GLIS3: variants seen among roughly 807,000 people sequenced by gnomAD.
The protein encoded by GLIS3 is zinc finger protein GLIS3.
A neutral mutation model predicts 78.6 loss-of-function variants in GLIS3; 53 were observed. The observed-to-expected ratio is 0.67, with a 90% CI of 0.54 to 0.85. GLIS3 has a LOEUF of 0.85. GLIS3 is among the 40% of genes least tolerant of loss of function. GLIS3 has a pLI of 0.00. For missense variants in GLIS3, 1,703 were observed against 1,231.1 expected, an observed-to-expected ratio of 1.38 and a Z score of -5.74; for synonymous variants, 684 against 509.9, an observed-to-expected ratio of 1.34 and a Z score of -4.60.
At chr9:4,144,363 C>G (rs1458353595) in intron 2 of GLIS3, among the ~76,000 whole-genome samples, 2 of 152,158 alleles carry the variant, frequency 1.3e-5, no homozygotes, top group African/African-American at 4.8e-5. Context: ...TTATAACATG[C>G]ATTTTACTAA....
chr9:4,165,356 G>A (rs1252757319), intron 2 of GLIS3, among the ~76,000 whole-genome samples: 3 of 152,132 alleles, frequency 2.0e-5, no homozygotes, highest in African/African-American at 4.8e-5. Flanking sequence ...CAGGAGAACC[G>A]CTTGAGCCCA....
rs544263888 is a variant in GLIS3, at chr9:4,131,046, G to A, written c.389-5105C>T. 5.0e-4 allele frequency among the ~76,000 whole-genome samples: 76 copies of A among 152,296 alleles called. 1 individual carries two copies. Among genetic ancestry groups the A allele is most frequent in the African/African-American group, 1.6e-3 (67 of 41,564 alleles). On this transcript the variant is annotated intron_variant, in intron 2 of 10. Coordinates refer to ENST00000381971, the MANE Select transcript of GLIS3 (RefSeq NM_001042413.2). Reference sequence around the variant, plus strand: ...AAAGGAGATTATTTGGGAGCTTTAAGATTTAATGACTGCCCTAGGGGGGGT... The same window carrying A: ...AAAGGAGATTATTTGGGAGCTTTAAAATTTAATGACTGCCCTAGGGGGGGT...
At chr9:4,253,989 CA>C (rs1824665899) in intron 2 of GLIS3, among the ~76,000 whole-genome samples, 1 of 152,140 alleles carries the variant, frequency 6.6e-6, no homozygotes, top group African/African-American at 2.4e-5. Context: ...GTTGGAAATG[CA>C]AAAATCACCT....
chr9:4,288,332 C>A (rs573638564), intron 1 of GLIS3, among the ~76,000 whole-genome samples: 55 of 151,896 alleles, frequency 3.6e-4, no homozygotes, highest in African/African-American at 1.3e-3. Flanking sequence ...CACCCCCCGC[C>A]AAAAAAAGGC....
chr9:4,144,399 A>G (rs1834049474), intron 2 of GLIS3, among the ~76,000 whole-genome samples: 2 of 152,224 alleles, frequency 1.3e-5, no homozygotes, highest in Admixed American at 1.3e-4. Flanking sequence ...GCGAGGGAAA[A>G]AAAGGCCAGG....
the GLIS3 span, among the ~76,000 whole-genome samples, chr9:4,356,788 G>T: frequency 6.6e-6 from 1 of 152,136 alleles, no homozygotes. Context: ...ACATCAGTAA[G>T]AAAATCTCTA....
chr9:4,481,394 G>T, the GLIS3 span, among the ~76,000 whole-genome samples: 9 of 152,050 alleles, frequency 5.9e-5, no homozygotes, highest in Non-Finnish European at 8.8e-5. Flanking sequence ...TGACTCAGGG[G>T]AATCGCTTGA....
the GLIS3 span, among the ~76,000 whole-genome samples, chr9:4,444,923 T>C: frequency 2.0e-5 from 3 of 152,210 alleles, no homozygotes; most frequent in Non-Finnish European, 4.4e-5. Flanking sequence ...TGTCAAAACA[T>C]CTCATAAGAA....
intron 4 of GLIS3, chr9:4,070,853 A>G (rs1251520617): frequency 2.0e-5 from 3 of 152,198 alleles, no homozygotes; most frequent in Non-Finnish European, 4.4e-5. Context: ...CTAGGTATAA[A>G]AGCCTAGGTA....
At chr9:3,934,257 T>G (rs896221948) in intron 5 of GLIS3, among the ~76,000 whole-genome samples, 4 of 152,328 alleles carry the variant, frequency 2.6e-5, no homozygotes, top group African/African-American at 9.6e-5. Flanking sequence ...AGATCTTTAC[T>G]GGCGATCCCA....
intron 4 of GLIS3, among the ~76,000 whole-genome samples, chr9:4,097,128 C>T (rs1830010696): frequency 6.6e-6 from 1 of 152,166 alleles, no homozygotes; most frequent in South Asian, 2.1e-4. Flanking sequence ...ATCTTCCTCC[C>T]ATTAGGGCCC....
chr9:3,898,730 C>A lies in GLIS3; in HGVS notation c.2089G>T (p.Val697Leu). 6.2e-7 allele frequency: 1 copy of A among 1,614,140 alleles called. No homozygotes were observed. The highest frequency in any genetic ancestry group is 8.5e-7 in the Non-Finnish European group (1 of 1,180,002). Reference sequence around the variant, plus strand: ...GGCCCGGGTCCAGGGGAGCGTCCCACGGTCCCTTCAGCAGCAGCATCTCTA... The same window carrying A: ...GGCCCGGGTCCAGGGGAGCGTCCCAAGGTCCCTTCAGCAGCAGCATCTCTA... ...SPRDAAAEGT[V>L]GRSPGPGPDL... The change falls in exon 7 of 11, where the codon GTG becomes TTG. Residue 697 changes from valine to leucine, a missense_variant. Coordinates refer to ENST00000381971, the MANE Select transcript of GLIS3 (RefSeq NM_001042413.2).
At chr9:3,918,390 A>G (rs1824658599) in intron 6 of GLIS3, among the ~76,000 whole-genome samples, 1 of 152,176 alleles carries the variant, frequency 6.6e-6, no homozygotes, top group Non-Finnish European at 1.5e-5. Context: ...AAACCATGAC[A>G]GTGTCTCCCT....
the GLIS3 span, among the ~76,000 whole-genome samples, chr9:4,397,426 T>A: frequency 1.3e-5 from 2 of 151,956 alleles, 1 homozygote; most frequent in Middle Eastern, 6.8e-3. Context: ...TTGCTTCAAT[T>A]ACTGATTTTG....
chr9:4,087,462 C>T (rs537031174), intron 4 of GLIS3, among the ~76,000 whole-genome samples: 2 of 152,108 alleles, frequency 1.3e-5, no homozygotes, highest in African/African-American at 2.4e-5. Context: ...GGAAAACAAT[C>T]GGCAATTTCC....
rs1816833850 is a variant in GLIS3, at chr9:4,176,611, A to G, written c.389-50670T>C. Among the ~76,000 whole-genome samples, 3 of 151,730 alleles carry G rather than the reference A, an allele frequency of 2.0e-5. No homozygotes were observed. The South Asian group carries it at 6.3e-4, about 32-fold the overall frequency. On this transcript the variant is annotated intron_variant, in intron 2 of 10. Coordinates refer to ENST00000381971, the MANE Select transcript of GLIS3 (RefSeq NM_001042413.2). ...GAACATCTCTATGCACATTTCTTTCATCATATTTCTTTTTCTCCTTTTTTA... is the reference window on the plus strand; with the variant it reads ...GAACATCTCTATGCACATTTCTTTCGTCATATTTCTTTTTCTCCTTTTTTA...
At chr9:4,463,909 A>G in the GLIS3 span, among the ~76,000 whole-genome samples, 5 of 152,236 alleles carry the variant, frequency 3.3e-5, no homozygotes, top group African/African-American at 7.2e-5. Flanking sequence ...GACAGTTTCC[A>G]TGAGTGAGAA....
At chr9:4,326,137 C>T (rs1417859330) in intron 2 of GLIS3, among the ~76,000 whole-genome samples, 6 of 152,116 alleles carry the variant, frequency 3.9e-5, no homozygotes, top group African/African-American at 1.4e-4. Context: ...ATCTGTGCAT[C>T]GAACCACCGT....
chr9:4,438,419 G>A, the GLIS3 span, among the ~76,000 whole-genome samples: 1 of 152,142 alleles, frequency 6.6e-6, no homozygotes, highest in Non-Finnish European at 1.5e-5. Flanking sequence ...ATGTCCCAGA[G>A]AAGCTTCCCC....
Sources: allele counts gnomAD v4.1 joint callset (sites outside exome capture counted in the v4.1 genomes callset), GRCh38; gene constraint gnomAD v4.1.1; transcripts MANE v1.5; gene names NCBI Gene and HGNC (gene_info 2026-07-23, HGNC 2026-07-21).